Variants in IFT57 observed in about 807,000 individuals in gnomAD.
IFT57 encodes intraflagellar transport protein 57 homolog.
In IFT57, 59 loss-of-function variants were observed where a neutral mutation model predicts 56.8. The ratio of observed to expected loss-of-function variants is 1.04; its 90% CI spans 0.84 to 1.29. The LOEUF (loss-of-function observed/expected upper bound fraction) is 1.29. IFT57 is among the 50% of genes most tolerant of loss of function. The probability of loss-of-function intolerance (pLI) is 0.00; values close to 1 mark genes in which losing one functional copy is unlikely to be tolerated. For synonymous variants in IFT57, 209 were observed against 186.1 expected, an observed-to-expected ratio of 1.12 and a Z score of -1.00; for missense variants, 470 against 522.1, an observed-to-expected ratio of 0.90 and a Z score of 0.97.
At chr3:108,211,213 T>A (rs560725890) in intron 4 of IFT57, among the ~76,000 whole-genome samples, 1 of 152,338 alleles carries the variant, frequency 6.6e-6, no homozygotes, top group African/African-American at 2.4e-5. Flanking sequence ...CTTAGTTATA[T>A]GCCTTTGAAG....
chr3:108,167,678 T>A (rs1235585495), intron 7 of IFT57, 115 bp downstream of exon 7: 1 of 523,312 alleles, frequency 1.9e-6, no homozygotes, highest in Non-Finnish European at 3.3e-6. Flanking sequence ...GTACATTCAA[T>A]TAGTAAGTTC....
At chr3:108,203,229 CA>C (rs1227079221) in intron 5 of IFT57, among the ~76,000 whole-genome samples, 2 of 152,226 alleles carry the variant, frequency 1.3e-5, no homozygotes, top group Non-Finnish European at 2.9e-5. Context: ...GCCCGTATCA[CA>C]GCATGACTTC....
chr3:108,219,765 G>A (rs1372570912), intron 1 of IFT57, among the ~76,000 whole-genome samples, 193 bp from the exon 2 acceptor site: 2 of 152,118 alleles, frequency 1.3e-5, no homozygotes, highest in East Asian at 3.9e-4. Flanking sequence ...TAAATCAGCA[G>A]GATTAGGGCA....
At chr3:108,176,209 G>A (rs2080123242) in intron 6 of IFT57, among the ~76,000 whole-genome samples, 1 of 151,660 alleles carries the variant, frequency 6.6e-6, no homozygotes, top group Non-Finnish European at 1.5e-5. Context: ...ATTTACAAGG[G>A]CGCTTACGGC....
chr3:108,218,241 T>C (rs925149344), intron 3 of IFT57, among the ~76,000 whole-genome samples: 7 of 151,040 alleles, frequency 4.6e-5, no homozygotes, highest in African/African-American at 1.7e-4. Flanking sequence ...CAAGAGACTT[T>C]AAAAAAAAAG....
chr3:108,199,495 T>TA (rs1417716635), intron 5 of IFT57, among the ~76,000 whole-genome samples: 2 of 152,140 alleles, frequency 1.3e-5, no homozygotes, highest in African/African-American at 4.8e-5. Context: ...GAAAAGAGTC[T>TA]AGGGGCTTAA....
chr3:108,179,042 C>G (rs1320121363), intron 6 of IFT57, among the ~76,000 whole-genome samples: 1 of 151,764 alleles, frequency 6.6e-6, no homozygotes, highest in Non-Finnish European at 1.5e-5. Context: ...TACTCAGATG[C>G]AGGAAGGATG....
chr3:108,172,318 TG>T (rs2080098098), intron 6 of IFT57, among the ~76,000 whole-genome samples: 1 of 151,754 alleles, frequency 6.6e-6, no homozygotes, highest in Non-Finnish European at 1.5e-5. Flanking sequence ...ACAAAGTTCT[TG>T]GGGATGGGCT....
intron 4 of IFT57, among the ~76,000 whole-genome samples, chr3:108,211,476 G>C (rs991917675): frequency 5.0e-4 from 76 of 152,174 alleles, no homozygotes; most frequent in African/African-American, 1.7e-3. Context: ...TCACTTAGGA[G>C]CTCTGGCCCC....
chr3:108,208,045 AAG>A (rs1439755877), intron 4 of IFT57, among the ~76,000 whole-genome samples: 3 of 147,398 alleles, frequency 2.0e-5, no homozygotes, highest in Non-Finnish European at 4.5e-5. Flanking sequence ...TCCGTCTCAA[AAG>A]AAAAAAAAAA....
intron 6 of IFT57, among the ~76,000 whole-genome samples, chr3:108,175,389 T>C (rs576474822): frequency 6.6e-6 from 1 of 151,800 alleles, no homozygotes; most frequent in Non-Finnish European, 1.5e-5. Context: ...AGCAAAGGTA[T>C]CATTGTAACC....
At chr3:108,197,066 T>C (rs1346413682) in intron 5 of IFT57, among the ~76,000 whole-genome samples, 1 of 152,206 alleles carries the variant, frequency 6.6e-6, no homozygotes, top group African/African-American at 2.4e-5. Flanking sequence ...TATATCATCA[T>C]GACAAAGTCC....
At chr3:108,168,162 T>A (rs903670201) in intron 6 of IFT57, among the ~76,000 whole-genome samples, 3 of 152,012 alleles carry the variant, frequency 2.0e-5, no homozygotes, top group East Asian at 1.9e-4. Flanking sequence ...GAAAAAAAAA[T>A]TCTAATTACT....
At chr3:108,170,888 AC>A (rs1434328680) in intron 6 of IFT57, among the ~76,000 whole-genome samples, 1 of 152,054 alleles carries the variant, frequency 6.6e-6, no homozygotes, top group Non-Finnish European at 1.5e-5. Flanking sequence ...CCTGACAAAA[AC>A]AAACAATGGG....
intron 6 of IFT57, among the ~76,000 whole-genome samples, chr3:108,173,997 AGTGTGTGTGTGTGTGTGTGTGTGTGT>A (rs34537693): frequency 9.9e-6 from 1 of 100,718 alleles, no homozygotes; most frequent in Non-Finnish European, 2.2e-5. Flanking sequence ...CATATATTTG[AGTGTGTGTGTGTGTGTGTGTGTGTGT>A]GTGTGTGTGT....
rs190213895 is a variant in IFT57, at chr3:108,188,814, C to T, written c.777+2707G>A. On this transcript the variant is annotated intron_variant, in intron 6 of 10. Transcript: ENST00000264538. ...AGTTTTGTAAAAGAGTGTGTGTTAG[C>T]AGTTACATTTATATTCTTAAGTTAC... Among the ~76,000 whole-genome samples, 168 of 152,242 alleles carry T rather than the reference C, an allele frequency of 1.1e-3. 1 individual carries two copies. The highest frequency in any genetic ancestry group is 4.0e-3 in the African/African-American group (166 of 41,550).
chr3:108,196,686 C>T (rs949416927), intron 5 of IFT57, among the ~76,000 whole-genome samples: 1 of 152,132 alleles, frequency 6.6e-6, no homozygotes, highest in Admixed American at 6.6e-5. Flanking sequence ...TTCACTCACT[C>T]GTAGGCCATA....
Position 108,162,369 on chromosome 3 carries a change from T to TA in IFT57, c.*107dup, listed in dbSNP as rs990382305. On this transcript the variant is annotated 3_prime_UTR_variant, in exon 11 of 11. Transcript: ENST00000264538. ...GATATAATATGTGAGTATGTATATG[T>TA]AAAAAAATACCCATTGAACATAAAA... 1.2e-5 allele frequency: 10 copies of TA among 838,980 alleles called. No individual in the cohort carries two copies. Among genetic ancestry groups the TA allele is most frequent in the Non-Finnish European group, 1.7e-5 (9 of 543,544 alleles). The allele number at this position is 838,980 out of a possible 1,614,324, so 52.0% of individuals were successfully genotyped here.
At position 108,161,051 on chromosome 3, in the gene IFT57, G is replaced by C. The variant is rs1429031071; in HGVS notation, c.*1426C>G. 2 of 152,106 alleles carry C rather than the reference G, an allele frequency of 1.3e-5. No individual in the cohort carries two copies. Among genetic ancestry groups the C allele is most frequent in the Non-Finnish European group, 2.9e-5 (2 of 68,018 alleles). 9.4% of individuals were successfully genotyped at this position (152,106 alleles called of 1,614,324 possible). The stretch of plus-strand genomic sequence containing the variant: ...TCTGATTTATCTAAAAGCGTTCTCT[G>C]CATTGATTGAATTCATCAAAAAACT... On this transcript the variant is annotated 3_prime_UTR_variant, in exon 11 of 11. Coordinates refer to ENST00000264538, the MANE Select transcript of IFT57 (RefSeq NM_018010.4).
Sources: allele counts gnomAD v4.1 joint callset (sites outside exome capture counted in the v4.1 genomes callset), GRCh38; gene constraint gnomAD v4.1.1; transcripts MANE v1.5; gene names NCBI Gene and HGNC (gene_info 2026-07-23, HGNC 2026-07-21).